FAM20C: variants seen among roughly 807,000 people sequenced by gnomAD.
FAM20C encodes the protein extracellular serine/threonine protein kinase FAM20C.
In FAM20C, 40 loss-of-function variants were observed where a neutral mutation model predicts 51.5. That is an observed-to-expected ratio of 0.78 (90% CI 0.60 to 1.01). The LOEUF (loss-of-function observed/expected upper bound fraction) is 1.01. Ranked by LOEUF, FAM20C falls within the 50% of genes least tolerant of loss-of-function variation. FAM20C has a pLI of 0.00. For synonymous variants in FAM20C, 406 were observed against 380.6 expected (o/e 1.07, Z -0.78); for missense variants, 861 against 844.7 (o/e 1.02, Z -0.24).
intron 7 of FAM20C, 41 bp from the exon 8 acceptor site, chr7:256,964 G>A (rs895604196): frequency 3.2e-5 from 49 of 1,534,050 alleles, no homozygotes; most frequent in African/African-American, 1.9e-4. Flanking sequence ...TACGTGGCCC[G>A]GCTCCCCACG....
rs1562359420 is a variant in FAM20C at position 195,563 on chromosome 7, GGGTGCTGAA to G, written c.621_629del (p.Gly209_Glu211del). On this transcript the variant is annotated inframe_deletion, in exon 2 of 10. Transcript: ENST00000313766. ...TCGCTGCTCCCTGCAGGCCGCATGC[GGGTGCTGAA>G]GGTGCAGAATTCCTCTCCCCCGGGG... 1 of 1,581,512 alleles carries G rather than the reference GGGTGCTGAA, an allele frequency of 6.3e-7. No individual in the cohort carries two copies. Among genetic ancestry groups the G allele is most frequent in the African/African-American group, 1.3e-5 (1 of 74,078 alleles).
Position 257,301 on chromosome 7 carries a change from G to A in FAM20C, c.1445+215G>A, listed in dbSNP as rs1197004444. ...CGGGAGTGGGACCTCCGAGGCACAG[G>A]AATGCTGCAGACCAAGTCCCGGCAG... On this transcript the variant is annotated intron_variant, in intron 8 of 9. Transcript: ENST00000313766. 5 of 582,132 alleles carry A rather than the reference G, an allele frequency of 8.6e-6. No homozygotes were observed. In the Admixed American group the frequency reaches 1.5e-4, roughly 18 times the overall value. 36.1% of individuals were successfully genotyped at this position (582,132 alleles called of 1,614,324 possible).
rs1161462286 is a variant in FAM20C at position 205,431 on chromosome 7, G to A, written c.785-3467G>A. On this transcript the variant is annotated intron_variant, in intron 2 of 9. Coordinates refer to ENST00000313766, the MANE Select transcript of FAM20C (RefSeq NM_020223.4). ...TTTTTTAATTTTTTGGTAGAGATGGGGTCTTGCTATGTTGCCCAGGCTGGT... is the reference window on the plus strand; with the variant it reads ...TTTTTTAATTTTTTGGTAGAGATGGAGTCTTGCTATGTTGCCCAGGCTGGT... Among the ~76,000 whole-genome samples the A allele has an allele frequency of 2.6e-5, 4 of 151,036 alleles. No homozygotes were observed. The East Asian group carries it at 7.8e-4, about 30-fold the overall frequency.
At chr7:216,646 T>A (rs1786984302) in intron 3 of FAM20C, among the ~76,000 whole-genome samples, 1 of 141,984 alleles carries the variant, frequency 7.0e-6, no homozygotes, top group Non-Finnish European at 1.5e-5. Flanking sequence ...TGTGTGAGTG[T>A]GTGTGAGTGT....
At chr7:242,896 G>T (rs569950120) in intron 3 of FAM20C, among the ~76,000 whole-genome samples, 4 of 152,148 alleles carry the variant, frequency 2.6e-5, no homozygotes, top group Non-Finnish European at 5.9e-5. Flanking sequence ...GTGTCCAGGG[G>T]ACCTGGCCAG....
intron 1 of FAM20C, 96 bp from the exon 2 acceptor site, chr7:195,457 CA>C: frequency 8.0e-7 from 1 of 1,247,702 alleles, no homozygotes; most frequent in South Asian, 2.1e-5. Context: ...TGCTTGAACC[CA>C]AAGTTAAAAA....
intron 2 of FAM20C, among the ~76,000 whole-genome samples, chr7:206,088 G>A (rs559172125): frequency 3.3e-5 from 5 of 152,244 alleles, no homozygotes; most frequent in African/African-American, 1.2e-4. Context: ...TGAGGTCCCT[G>A]GAGCGTCTCC....
intron 2 of FAM20C, among the ~76,000 whole-genome samples, chr7:204,977 T>C (rs913907721): frequency 5.9e-5 from 9 of 152,260 alleles, no homozygotes; most frequent in African/African-American, 2.2e-4. Context: ...GCCACTGCTG[T>C]CCTGAGCACT....
intron 2 of FAM20C, among the ~76,000 whole-genome samples, chr7:202,727 G>A (rs1303121522): frequency 6.9e-6 from 1 of 144,186 alleles, no homozygotes; most frequent in African/African-American, 2.6e-5. Flanking sequence ...GGGTGGGATT[G>A]TACTGGGGAA....
chr7:213,399 G>A (rs889590025), intron 3 of FAM20C, among the ~76,000 whole-genome samples: 31 of 152,338 alleles, frequency 2.0e-4, no homozygotes, highest in African/African-American at 6.0e-4. Context: ...TGTCCACTGC[G>A]TAGTCCTTTG....
At chr7:250,574 T>A (rs1443975694) in intron 5 of FAM20C, among the ~76,000 whole-genome samples, 4 of 152,154 alleles carry the variant, frequency 2.6e-5, no homozygotes, top group Non-Finnish European at 5.9e-5. Context: ...TGTCCATCTT[T>A]TTTAAGGGGC....
At chr7:202,840 C>T (rs1468615286) in intron 2 of FAM20C, among the ~76,000 whole-genome samples, 1 of 152,244 alleles carries the variant, frequency 6.6e-6, no homozygotes, top group African/African-American at 2.4e-5. Flanking sequence ...TTCCTGTGTG[C>T]ATAGCGAGGA....
At chr7:211,480 C>T (rs887575970) in intron 3 of FAM20C, among the ~76,000 whole-genome samples, 1 of 150,860 alleles carries the variant, frequency 6.6e-6, no homozygotes, top group Non-Finnish European at 1.5e-5. Flanking sequence ...ACGTCCCCAG[C>T]GTGGCCACAT....
intron 3 of FAM20C, among the ~76,000 whole-genome samples, chr7:232,632 C>T (rs1787735507): frequency 1.3e-5 from 2 of 152,346 alleles, no homozygotes; most frequent in South Asian, 2.1e-4. Flanking sequence ...TTTCTATTTT[C>T]CCACAAACTG....
At chr7:250,078 C>T (rs1425224095) in intron 5 of FAM20C, among the ~76,000 whole-genome samples, 2 of 152,216 alleles carry the variant, frequency 1.3e-5, no homozygotes, top group Non-Finnish European at 2.9e-5. Flanking sequence ...CCTGGCCCAT[C>T]TGTTTAATTC....
At chr7:242,647 C>A (rs963288538) in intron 3 of FAM20C, among the ~76,000 whole-genome samples, 1 of 152,178 alleles carries the variant, frequency 6.6e-6, no homozygotes, top group Non-Finnish European at 1.5e-5. Context: ...CACTGCACAC[C>A]ACTAGCCAGG....
At chr7:247,876 G>A (rs1027745051) in intron 4 of FAM20C, among the ~76,000 whole-genome samples, 11 of 152,232 alleles carry the variant, frequency 7.2e-5, no homozygotes, top group Non-Finnish European at 1.0e-4. Flanking sequence ...TGGTCACCTC[G>A]CCTCACAGGA....
rs1014491662 is a variant in FAM20C at position 217,278 on chromosome 7, G to A, written c.863+8302G>A. On this transcript the variant is annotated intron_variant, in intron 3 of 9. Coordinates refer to ENST00000313766, the MANE Select transcript of FAM20C (RefSeq NM_020223.4). ...TCTGCGGGACCTGTGTGCAGTGGGG[G>A]TGTTATTGGGGTCGAGGCTTGCCCA... Among the ~76,000 whole-genome samples the A allele has an allele frequency of 3.2e-5, 4 of 123,998 alleles. No homozygotes were observed. In the Admixed American group the frequency reaches 3.6e-4, roughly 11 times the overall value. The allele number at this position is 123,998 out of a possible 152,430, so 81.3% of individuals were successfully genotyped here. A position where few individuals can be genotyped will look rare whatever the true frequency, so the allele number is the denominator to read the frequency against.
chr7:243,147 G>A (rs1371171475), intron 3 of FAM20C, among the ~76,000 whole-genome samples: 148 of 50,994 alleles, frequency 2.9e-3, no homozygotes, highest in Non-Finnish European at 4.0e-3. Context: ...CGGGAGACCT[G>A]TGCCACCCAA....
Sources: allele counts gnomAD v4.1 joint callset (sites outside exome capture counted in the v4.1 genomes callset), GRCh38; gene constraint gnomAD v4.1.1; transcripts MANE v1.5; gene names NCBI Gene and HGNC (gene_info 2026-07-23, HGNC 2026-07-21).